Variants in OR7D4 observed in about 807,000 individuals in gnomAD.
The protein encoded by OR7D4 is olfactory receptor 7D4.
For synonymous variants in OR7D4, 154 were observed against 158.4 expected, an observed-to-expected ratio of 0.97 and a Z score of 0.21; for missense variants, 319 against 377.1, an observed-to-expected ratio of 0.85 and a Z score of 1.27.
At chr19:9,217,995 T>C (rs1487719163) in intron 1 of OR7D4, among the ~76,000 whole-genome samples, 3 of 152,210 alleles carry the variant, frequency 2.0e-5, no homozygotes, top group Non-Finnish European at 4.4e-5. Flanking sequence ...GCGGGATATG[T>C]ATTTGATGAC....
chr19:9,212,966 T>G lies in OR7D4; in HGVS notation c.*933A>C, dbSNP rs1030567177. ...GAAAGTAGGATGGCAAAGTTAGAAG[T>G]GTGGGCAAAGTGTCAGATTGTTAGG... is the stretch of plus-strand genomic sequence containing the variant. On this transcript the variant is annotated 3_prime_UTR_variant, in exon 2 of 2. Transcript: ENST00000641669. 1 of 152,108 alleles carries G rather than the reference T, an allele frequency of 6.6e-6. No individual in the cohort carries two copies. Among genetic ancestry groups the G allele is most frequent in the South Asian group, 2.1e-4 (1 of 4,832 alleles). The allele number at this position is 152,108 out of a possible 1,614,324, so 9.4% of individuals were successfully genotyped here.
Position 9,214,734 on chromosome 19 carries a change from T to A in OR7D4, c.104A>T (p.Tyr35Phe), listed in dbSNP as rs1254511213. ...CAGGTTCCCCAGCACCGTGACCAGG[T>A]ACATGGACAGGAACAGCCCAAAGAG... ...PVLFGLFLSM[Y>F]LVTVLGNLLI... The change falls in exon 2 of 2, where the codon TAC becomes TTC. Residue 35 changes from tyrosine to phenylalanine, a missense_variant. Coordinates refer to ENST00000641669, the MANE Select transcript of OR7D4 (RefSeq NM_001005191.3). The A allele has an allele frequency of 6.2e-6, 10 of 1,614,016 alleles. No homozygotes were observed. The highest frequency in any genetic ancestry group is 8.5e-6 in the Non-Finnish European group (10 of 1,179,956).
chr19:9,214,535 C>T lies in OR7D4; in HGVS notation c.303G>A (p.Val101=). 1 of 1,614,154 alleles carries T rather than the reference C, an allele frequency of 6.2e-7. No individual in the cohort carries two copies. Among genetic ancestry groups the T allele is most frequent in the South Asian group, 1.1e-5 (1 of 91,076 alleles). Residue 101 remains valine (V), a synonymous_variant, in exon 2 of 2, where the codon GTG becomes GTA. Transcript: ENST00000641669. The part of the protein sequence containing the change: ...DISYMGCLTQ[V]YFLMMFAGMD... ...TTCCAGCAAACATCATTAAAAAATA[C>T]ACCTGAGTGAGGCACCCCATGTAGG... is the stretch of plus-strand genomic sequence containing the variant.
rs564320803 is a variant in OR7D4, at chr19:9,215,635, A to G, written c.-13-785T>C. On this transcript the variant is annotated intron_variant, in intron 1 of 1. Coordinates refer to ENST00000641669, the MANE Select transcript of OR7D4 (RefSeq NM_001005191.3). The stretch of plus-strand genomic sequence containing the variant: ...GGCTTTCTTCCTTCCTTAAAATTAA[A>G]TTATTGATATTACTTTCTTATTGAG... Among the ~76,000 whole-genome samples the G allele has an allele frequency of 1.1e-4, 17 of 152,262 alleles. No homozygotes were observed. In the South Asian group the frequency reaches 1.4e-3, roughly 13 times the overall value.
intron 1 of OR7D4, among the ~76,000 whole-genome samples, chr19:9,218,211 G>T (rs1320480417): frequency 1.3e-5 from 2 of 152,110 alleles, no homozygotes. Flanking sequence ...ACACAAAATA[G>T]AAATCTTCAA....
At chr19:9,215,362 A>ACC in intron 1 of OR7D4, among the ~76,000 whole-genome samples, 1 of 151,428 alleles carries the variant, frequency 6.6e-6, no homozygotes, top group East Asian at 1.9e-4. Context: ...AAAAAAAAAA[A>ACC]AAACCTCTTT....
In OR7D4 at chr19:9,212,152, G is replaced by A. The variant is rs941878821; in HGVS notation, c.*1747C>T. On this transcript the variant is annotated 3_prime_UTR_variant, in exon 2 of 2. Transcript: ENST00000641669. ...TGCAATGTGAAATAACCACATCGTG[G>A]AGAATGAGGTATTCATCCCTCAACT... 9 of 152,164 alleles carry A rather than the reference G, an allele frequency of 5.9e-5. No individual in the cohort carries two copies. The highest frequency in any genetic ancestry group is 1.2e-4 in the Non-Finnish European group (8 of 68,036). The allele number at this position is 152,164 out of a possible 1,614,324, so 9.4% of individuals were successfully genotyped here. A position where few individuals can be genotyped will look rare whatever the true frequency, so the allele number is the denominator to read the frequency against.
intron 1 of OR7D4, among the ~76,000 whole-genome samples, chr19:9,218,657 T>C (rs2051235135): frequency 1.3e-5 from 2 of 152,122 alleles, no homozygotes; most frequent in Admixed American, 1.3e-4. Context: ...GGGGACATGG[T>C]GTCACTTTGT....
In OR7D4 at chr19:9,213,888, G is replaced by GACACAGT; in HGVS notation, c.*10_*11insACTGTGT. 1 of 1,599,488 alleles carries GACACAGT rather than the reference G, an allele frequency of 6.3e-7. No homozygotes were observed. The highest frequency in any genetic ancestry group is 1.1e-5 in the South Asian group (1 of 90,638). On this transcript the variant is annotated 3_prime_UTR_variant, in exon 2 of 2. Transcript: ENST00000641669. ...CGCAGTGTGTCCTCTTAGTTCTGAG[G>GACACAGT]CCCTGATTTGTCATGGACAAGAGTC...
At position 9,210,286 on chromosome 19, in the gene OR7D4, T is replaced by C. The variant is rs187821858; in HGVS notation, c.*3613A>G. The C allele has an allele frequency of 6.6e-5, 10 of 152,210 alleles. No individual in the cohort carries two copies. The highest frequency in any genetic ancestry group is 2.2e-4 in the African/African-American group (9 of 41,512). The allele number at this position is 152,210 out of a possible 1,614,324, so 9.4% of individuals were successfully genotyped here. Reference sequence around the variant, plus strand: ...TGTTGAGTACCTCACCTCTGAGCCATGGGTGGAATGTGAAAGTTTATAAAG... The same window carrying C: ...TGTTGAGTACCTCACCTCTGAGCCACGGGTGGAATGTGAAAGTTTATAAAG... On this transcript the variant is annotated 3_prime_UTR_variant, in exon 2 of 2. Transcript: ENST00000641669.
At position 9,213,982 on chromosome 19, in the gene OR7D4, T is replaced by C. The variant is rs780869497; in HGVS notation, c.856A>G (p.Asn286Asp). 3.1e-6 allele frequency: 5 copies of C among 1,614,110 alleles called. No individual in the cohort carries two copies. The Admixed American group carries it at 6.7e-5, about 22-fold the overall frequency. The part of the protein sequence containing the change: ...VMYAMVTPML[N>D]PFIYSLRNKD... ...TTCCTCAGGCTGTAGATGAAGGGGTTCAGCATGGGGGTGACCATGGCGTAC... is the reference window on the plus strand; with the variant it reads ...TTCCTCAGGCTGTAGATGAAGGGGTCCAGCATGGGGGTGACCATGGCGTAC... The change falls in exon 2 of 2, where the codon AAC becomes GAC. Residue 286 changes from asparagine (N) to aspartate (D), a missense_variant. Transcript: ENST00000641669.
In OR7D4 at chr19:9,214,243, A is replaced by G; in HGVS notation, c.595T>C (p.Leu199=). 2 of 1,614,176 alleles carry G rather than the reference A, an allele frequency of 1.2e-6. No individual in the cohort carries two copies. Among genetic ancestry groups the G allele is most frequent in the Non-Finnish European group, 1.7e-6 (2 of 1,180,032 alleles). The change falls in exon 2 of 2, where the codon TTG becomes CTG. Residue 199 remains leucine, a synonymous_variant. Transcript: ENST00000641669. The stretch of plus-strand genomic sequence containing the variant: ...CCCAGCAGTGCCGTGGCCACATACA[A>G]GACAATGTTATTGAGGAGGGTGTTA... ...CSNTLLNNIV[L]YVATALLGVF...
At chr19:9,215,954 T>G (rs1298471969) in intron 1 of OR7D4, among the ~76,000 whole-genome samples, 2 of 152,086 alleles carry the variant, frequency 1.3e-5, no homozygotes, top group Non-Finnish European at 1.5e-5. Context: ...TCCACGTGGC[T>G]GGGGAAGCCT....
chr19:9,214,816 C>A lies in OR7D4; in HGVS notation c.22G>T (p.Glu8Ter), dbSNP rs1427711117. The change falls in exon 2 of 2, where the codon GAA becomes TAA. Residue 8 changes from glutamate to a stop codon, truncating the protein, a stop_gained. Coordinates refer to ENST00000641669, the MANE Select transcript of OR7D4 (RefSeq NM_001005191.3). LOFTEE classifies it low-confidence loss of function (END_TRUNC). ...CCCAGGAGGAGAAATTTTGATAATT[C>A]TGTAAGGTTTTCTGCTTCCATGTAG... MEAENLT[E>*]LSKFLLLGLS... 3.1e-6 allele frequency: 5 copies of A among 1,606,260 alleles called. No individual in the cohort carries two copies. The highest frequency in any genetic ancestry group is 1.7e-5 in the Admixed American group (1 of 59,444).
chr19:9,217,987 G>A (rs538430106), intron 1 of OR7D4, among the ~76,000 whole-genome samples: 48 of 152,272 alleles, frequency 3.2e-4, no homozygotes, highest in African/African-American at 9.6e-4. Context: ...GAATGAAAGC[G>A]GGATATGTAT....
In OR7D4 at chr19:9,212,941, G is replaced by A. The variant is rs1486302025; in HGVS notation, c.*958C>T. 5 of 152,120 alleles carry A rather than the reference G, an allele frequency of 3.3e-5. No homozygotes were observed. The highest frequency in any genetic ancestry group is 5.9e-5 in the Non-Finnish European group (4 of 68,022). 9.4% of individuals were successfully genotyped at this position (152,120 alleles called of 1,614,324 possible). On this transcript the variant is annotated 3_prime_UTR_variant, in exon 2 of 2. Coordinates refer to ENST00000641669, the MANE Select transcript of OR7D4 (RefSeq NM_001005191.3). ...AAAATTTTATATCACTGTTTTTATGGAAAGTAGGATGGCAAAGTTAGAAGT... is the reference window on the plus strand; with the variant it reads ...AAAATTTTATATCACTGTTTTTATGAAAAGTAGGATGGCAAAGTTAGAAGT...
At chr19:9,218,753 C>T (rs536085558) in intron 1 of OR7D4, among the ~76,000 whole-genome samples, 2 of 152,108 alleles carry the variant, frequency 1.3e-5, no homozygotes, top group Admixed American at 6.5e-5. Context: ...CTCAGTCTCC[C>T]GAGTAACTGG....
At chr19:9,216,544 A>G (rs967118471) in intron 1 of OR7D4, among the ~76,000 whole-genome samples, 3 of 152,098 alleles carry the variant, frequency 2.0e-5, no homozygotes, top group Non-Finnish European at 4.4e-5. Flanking sequence ...TTTGTCTACT[A>G]TGATTTCTGT....
Position 9,210,528 on chromosome 19 carries a change from A to G in OR7D4, c.*3371T>C, listed in dbSNP as rs2051166593. On this transcript the variant is annotated 3_prime_UTR_variant, in exon 2 of 2. Coordinates refer to ENST00000641669, the MANE Select transcript of OR7D4 (RefSeq NM_001005191.3). ...CAGGAATTCAAGGCTGCAGTGAGCTATGACTGAGCCGCTTCACTGCAGCTT... is the reference window on the plus strand; with the variant it reads ...CAGGAATTCAAGGCTGCAGTGAGCTGTGACTGAGCCGCTTCACTGCAGCTT... 1 of 152,284 alleles carries G rather than the reference A, an allele frequency of 6.6e-6. No individual in the cohort carries two copies. The highest frequency in any genetic ancestry group is 2.4e-5 in the African/African-American group (1 of 41,454). 9.4% of individuals were successfully genotyped at this position (152,284 alleles called of 1,614,324 possible).
Sources: gnomAD v4.1 joint callset for allele counts (sites outside exome capture counted in the v4.1 genomes callset) on GRCh38, gnomAD v4.1.1 for gene constraint, MANE v1.5 for transcripts, NCBI Gene and HGNC (gene_info 2026-07-23, HGNC 2026-07-21) for gene names.